CDIN1: variants seen among roughly 807,000 people sequenced by gnomAD.
CDIN1 encodes CDAN1 interacting nuclease 1.
A neutral mutation model predicts 45.3 loss-of-function variants in CDIN1; 33 were observed. The observed-to-expected ratio is 0.73, with a 90% confidence interval of 0.55 to 0.97. CDIN1 has a LOEUF of 0.97. Ranked by LOEUF, CDIN1 falls within the 50% of genes least tolerant of loss-of-function variation. CDIN1 has a pLI of 0.00. For synonymous variants in CDIN1, 118 were observed against 124.4 expected, an observed-to-expected ratio of 0.95 and a Z score of 0.34; for missense variants, 303 against 339.4, an observed-to-expected ratio of 0.89 and a Z score of 0.84.
chr15:36,800,937 A>ATATATATATATATATATG (rs2055023073), intron 10 of CDIN1, among the ~76,000 whole-genome samples: 1 of 127,528 alleles, frequency 7.8e-6, no homozygotes, highest in Non-Finnish European at 1.7e-5. Context: ...ATATATATAT[A>ATATATATATATATATATG]TATATATGAT....
chr15:36,642,110 C>T (rs555995500), intron 1 of CDIN1: 1 of 152,358 alleles, frequency 6.6e-6, no homozygotes, highest in South Asian at 2.1e-4. Flanking sequence ...CCTCTCCCCA[C>T]CTGCCCAGTA....
intron 5 of CDIN1, among the ~76,000 whole-genome samples, chr15:36,686,408 T>G: frequency 3.2e-5 from 3 of 92,478 alleles, no homozygotes; most frequent in Non-Finnish European, 6.0e-5. Flanking sequence ...TGGGGACTGT[T>G]GTGGGGTGGG....
At chr15:36,773,890 A>C (rs1383480182) in intron 10 of CDIN1, among the ~76,000 whole-genome samples, 7 of 152,222 alleles carry the variant, frequency 4.6e-5, no homozygotes, top group South Asian at 4.1e-4. Flanking sequence ...TCTGACAAGG[A>C]GTTATCTGTG....
intron 10 of CDIN1, among the ~76,000 whole-genome samples, chr15:36,787,372 G>A (rs2054519011): frequency 6.6e-6 from 1 of 152,176 alleles, no homozygotes; most frequent in African/African-American, 2.4e-5. Context: ...AAGCATTTCA[G>A]TGTAATATTA....
At chr15:36,637,717 A>G (rs2140375774) in intron 1 of CDIN1, among the ~76,000 whole-genome samples, 1 of 152,356 alleles carries the variant, frequency 6.6e-6, no homozygotes, top group South Asian at 2.1e-4. Flanking sequence ...AATTTGGCGT[A>G]TACTCATTCG....
intron 1 of CDIN1, among the ~76,000 whole-genome samples, chr15:36,601,567 T>G (rs961388428): frequency 6.6e-6 from 1 of 152,212 alleles, no homozygotes; most frequent in South Asian, 2.1e-4. Flanking sequence ...AAAACCCCAG[T>G]GAACTAACTA....
rs572722941 is a variant in CDIN1, at chr15:36,691,730, T to A, written c.392T>A (p.Ile131Asn). 6.2e-7 allele frequency: 1 copy of A among 1,603,942 alleles called. No homozygotes were observed. Among genetic ancestry groups the A allele is most frequent in the Admixed American group, 1.7e-5 (1 of 58,980 alleles). ...INSMLRDPSQ[I>N]PDGVLANQVY... ...AGTATGCTACGGGACCCTTCTCAGA[T>A]TCCAGATGGAGTTCTAGCAAATCAG... The change falls in exon 6 of 11, where the codon ATT becomes AAT. Residue 131 changes from isoleucine to asparagine, a missense_variant. Physicochemically the swap from Ile to Asn is moderately radical, Grantham distance 149. Transcript: ENST00000566621.
At chr15:36,609,137 A>C (rs2038526595) in intron 1 of CDIN1, among the ~76,000 whole-genome samples, 1 of 152,128 alleles carries the variant, frequency 6.6e-6, no homozygotes, top group South Asian at 2.1e-4. Context: ...CAGCCTCCTG[A>C]GTAGCCTGGG....
intron 5 of CDIN1, among the ~76,000 whole-genome samples, chr15:36,682,939 G>A (rs1337556907): frequency 3.3e-5 from 5 of 152,124 alleles, no homozygotes; most frequent in Admixed American, 3.3e-4. Context: ...TAACATGGGA[G>A]GCTGATAGAA....
chr15:36,790,882 T>C (rs1179381300), intron 10 of CDIN1, among the ~76,000 whole-genome samples: 1 of 152,214 alleles, frequency 6.6e-6, no homozygotes, highest in Non-Finnish European at 1.5e-5. Context: ...GGGATCTATG[T>C]GCAGGCTTGT....
chr15:36,800,909 G>GTGTGTGTATATATATATATATATATATA (rs1156514805), intron 10 of CDIN1, among the ~76,000 whole-genome samples: 2 of 22,374 alleles, frequency 8.9e-5, no homozygotes, highest in Non-Finnish European at 1.2e-4. Flanking sequence ...GTGTGTGTGT[G>GTGTGTGTATATATATATATATATATATA]TATATATATA....
chr15:36,606,266 A>G (rs2038375556), intron 1 of CDIN1, among the ~76,000 whole-genome samples: 1 of 152,056 alleles, frequency 6.6e-6, no homozygotes, highest in Admixed American at 6.5e-5. Flanking sequence ...ACTACCTCCC[A>G]TGTGATTTCT....
intron 1 of CDIN1, chr15:36,627,221 T>C: frequency 5.7e-6 from 1 of 175,198 alleles, no homozygotes. Context: ...GAAGCCTGGG[T>C]AGTGACCTTG....
At chr15:36,771,712 G>A (rs1000131811) in intron 10 of CDIN1, among the ~76,000 whole-genome samples, 2 of 152,142 alleles carry the variant, frequency 1.3e-5, no homozygotes, top group African/African-American at 4.8e-5. Context: ...GGCAAATCAC[G>A]AGATCAGGAG....
chr15:36,685,352 A>T (rs1283138663), intron 5 of CDIN1, among the ~76,000 whole-genome samples: 3 of 151,902 alleles, frequency 2.0e-5, no homozygotes, highest in African/African-American at 7.2e-5. Flanking sequence ...GTAGTCATTC[A>T]GGAGCAGGTT....
chr15:36,654,429 A>T (rs2040699855), intron 4 of CDIN1, among the ~76,000 whole-genome samples: 1 of 151,986 alleles, frequency 6.6e-6, no homozygotes. Context: ...AATTTCAACC[A>T]AACAGCTCAG....
At chr15:36,791,587 A>G (rs999766269) in intron 10 of CDIN1, among the ~76,000 whole-genome samples, 1 of 152,150 alleles carries the variant, frequency 6.6e-6, no homozygotes, top group Non-Finnish European at 1.5e-5. Flanking sequence ...AAATAAATTT[A>G]AAACCTAGTT....
chr15:36,691,801 T>C, intron 6 of CDIN1, 37 bp downstream of exon 6: 1 of 1,415,224 alleles, frequency 7.1e-7, no homozygotes, highest in Non-Finnish European at 9.9e-7. Context: ...GTGGCAATGC[T>C]GTTATCTGCC....
intron 10 of CDIN1, among the ~76,000 whole-genome samples, chr15:36,744,028 T>G (rs1276818133): frequency 1.3e-5 from 2 of 151,992 alleles, no homozygotes; most frequent in Middle Eastern, 3.4e-3. Context: ...GTTTTCTATT[T>G]CCCTGAAATT....
Sources: gnomAD v4.1 joint callset for allele counts (sites outside exome capture counted in the v4.1 genomes callset) on GRCh38, gnomAD v4.1.1 for gene constraint, MANE v1.5 for transcripts, NCBI Gene and HGNC (gene_info 2026-07-23, HGNC 2026-07-21) for gene names.